Variants in CYP3A43 observed in about 807,000 individuals in gnomAD.
CYP3A43 encodes cytochrome P450 family 3 subfamily A member 43.
Under a neutral mutation model 58.0 loss-of-function variants are expected in CYP3A43, and 45 were observed. That is an observed-to-expected ratio of 0.78 (90% CI 0.61 to 0.99). The LOEUF is 0.99. Ranked by LOEUF, CYP3A43 falls within the 50% of genes least tolerant of loss-of-function variation. The pLI is 0.00. For synonymous variants in CYP3A43, 191 were observed against 201.4 expected (o/e 0.95, Z 0.44); for missense variants, 593 against 591.9 (o/e 1.00, Z -0.02).
At chr7:99,840,111 A>AT (rs892602787) in intron 3 of CYP3A43, among the ~76,000 whole-genome samples, 96 of 152,138 alleles carry the variant, frequency 6.3e-4, no homozygotes, top group African/African-American at 2.2e-3. Context: ...CTGCAGCTTG[A>AT]TTTTTTCAGG....
intron 3 of CYP3A43, among the ~76,000 whole-genome samples, chr7:99,839,945 A>T (rs1817268061): frequency 6.6e-6 from 1 of 152,154 alleles, no homozygotes; most frequent in Non-Finnish European, 1.5e-5. Context: ...CCTGGCTGGC[A>T]CCATGTTGCC....
At chr7:99,862,546 G>C (rs1216410816) in intron 11 of CYP3A43, among the ~76,000 whole-genome samples, 1 of 152,218 alleles carries the variant, frequency 6.6e-6, no homozygotes, top group Non-Finnish European at 1.5e-5. Flanking sequence ...CTTCTCAGAA[G>C]TTCTTCCTTG....
intron 7 of CYP3A43, among the ~76,000 whole-genome samples, chr7:99,851,146 A>G (rs1466388580): frequency 6.7e-6 from 1 of 149,664 alleles, no homozygotes; most frequent in Non-Finnish European, 1.5e-5. Flanking sequence ...GCCTGGTGAC[A>G]GAGCAAGACC....
chr7:99,838,930 A>G (rs1817207963), intron 2 of CYP3A43, 190 bp from the exon 3 acceptor site: 1 of 671,680 alleles, frequency 1.5e-6, no homozygotes, highest in East Asian at 2.9e-5. Flanking sequence ...CAATGAGCCA[A>G]GATCGCACCA....
intron 3 of CYP3A43, among the ~76,000 whole-genome samples, chr7:99,839,946 C>T (rs961745631): frequency 6.6e-6 from 1 of 152,178 alleles, no homozygotes; most frequent in African/African-American, 2.4e-5. Context: ...CTGGCTGGCA[C>T]CATGTTGCCT....
At chr7:99,840,542 C>G (rs1173639827) in intron 3 of CYP3A43, among the ~76,000 whole-genome samples, 1 of 152,162 alleles carries the variant, frequency 6.6e-6, no homozygotes. Flanking sequence ...TTCCTCTACT[C>G]TGTCTTTTCA....
chr7:99,829,366 T>C (rs760390747), intron 1 of CYP3A43, among the ~76,000 whole-genome samples: 2 of 152,214 alleles, frequency 1.3e-5, no homozygotes, highest in African/African-American at 2.4e-5. Context: ...CTTAAGAACA[T>C]GTACCCAAGG....
At chr7:99,847,307 T>G (rs1029746772) in intron 4 of CYP3A43, among the ~76,000 whole-genome samples, 181 bp from the exon 5 acceptor site, 1 of 151,934 alleles carries the variant, frequency 6.6e-6, no homozygotes, top group Non-Finnish European at 1.5e-5. Context: ...CCCTTCCATA[T>G]GCTTACAGGA....
chr7:99,857,575 G>T (rs1403394532), intron 9 of CYP3A43, among the ~76,000 whole-genome samples: 9 of 152,154 alleles, frequency 5.9e-5, no homozygotes, highest in African/African-American at 2.2e-4. Flanking sequence ...GGGCATGGTG[G>T]CTCACGTCTG....
At chr7:99,860,949 C>T (rs565493137) in intron 10 of CYP3A43, among the ~76,000 whole-genome samples, 7 of 152,198 alleles carry the variant, frequency 4.6e-5, no homozygotes, top group African/African-American at 1.4e-4. Flanking sequence ...TCTCGGCTCA[C>T]TGCTACCTCC....
chr7:99,839,042 G>T, intron 2 of CYP3A43, 78 bp from the exon 3 acceptor site: 1 of 1,535,834 alleles, frequency 6.5e-7, no homozygotes, highest in South Asian at 1.1e-5. Flanking sequence ...CATTGGATTT[G>T]ACTTTTTTGC....
At position 99,855,482 on chromosome 7, in the gene CYP3A43, G is replaced by C; in HGVS notation, c.671-109G>C. Reference sequence around the variant, plus strand: ...AAAGGTCATACAGGAAATGGATCCTGGTTGAGAACCCTGAAGTCTATAGGT... The same window carrying C: ...AAAGGTCATACAGGAAATGGATCCTCGTTGAGAACCCTGAAGTCTATAGGT... On this transcript the variant is annotated intron_variant, in intron 7 of 12. Coordinates refer to ENST00000354829, the MANE Select transcript of CYP3A43 (RefSeq NM_057095.3). The C allele has an allele frequency of 3.0e-6, 4 of 1,348,180 alleles. No individual in the cohort carries two copies. The South Asian group carries it at 4.5e-5, about 15-fold the overall frequency. The allele number at this position is 1,348,180 out of a possible 1,614,324, so 83.5% of individuals were successfully genotyped here. A position where few individuals can be genotyped will look rare whatever the true frequency, so the allele number is the denominator to read the frequency against.
chr7:99,851,774 A>T (rs1817771086), intron 7 of CYP3A43, among the ~76,000 whole-genome samples: 2 of 152,160 alleles, frequency 1.3e-5, no homozygotes, highest in East Asian at 3.8e-4. Context: ...TTTGAACTGT[A>T]TCTTCTTTGA....
intron 3 of CYP3A43, among the ~76,000 whole-genome samples, chr7:99,843,496 C>T (rs1027332916): frequency 1.3e-5 from 2 of 151,750 alleles, no homozygotes; most frequent in African/African-American, 2.4e-5. Context: ...GATGGAGTGT[C>T]GCTGTATTGC....
At chr7:99,849,936 C>A in intron 7 of CYP3A43, 1 of 572,846 alleles carries the variant, frequency 1.7e-6, no homozygotes, top group East Asian at 3.6e-5. Context: ...ACCATCATCC[C>A]CTTCCAATCT....
At chr7:99,838,862 C>T (rs923908100) in intron 2 of CYP3A43, 2 of 542,962 alleles carry the variant, frequency 3.7e-6, no homozygotes, top group South Asian at 2.0e-5. Context: ...CCCCCATAAT[C>T]CCAGCTACTT....
At chr7:99,855,349 A>G in intron 7 of CYP3A43, 1 of 394,968 alleles carries the variant, frequency 2.5e-6, no homozygotes. Flanking sequence ...CTGAAGATGC[A>G]GAAGGGACCA....
At chr7:99,863,086 G>A (rs1476027486) in intron 11 of CYP3A43, among the ~76,000 whole-genome samples, 1 of 152,112 alleles carries the variant, frequency 6.6e-6, no homozygotes, top group Non-Finnish European at 1.5e-5. Flanking sequence ...ATAGACACCA[G>A]GCTATAGAAC....
intron 7 of CYP3A43, among the ~76,000 whole-genome samples, chr7:99,851,318 A>G (rs1817751759): frequency 6.6e-6 from 1 of 152,186 alleles, no homozygotes; most frequent in African/African-American, 2.4e-5. Flanking sequence ...TTAGGTATAT[A>G]TTCAGCAGTG....
Sources: allele counts gnomAD v4.1 joint callset (sites outside exome capture counted in the v4.1 genomes callset), GRCh38; gene constraint gnomAD v4.1.1; transcripts MANE v1.5; gene names NCBI Gene and HGNC (gene_info 2026-07-23, HGNC 2026-07-21).